KCNN3: variants seen among roughly 807,000 people sequenced by gnomAD.
KCNN3 encodes potassium calcium-activated channel subfamily N member 3.
A neutral mutation model predicts 62.9 loss-of-function variants in KCNN3; 16 were observed. That is an observed-to-expected ratio of 0.25 (90% confidence interval 0.17 to 0.39). The LOEUF (loss-of-function observed/expected upper bound fraction) is 0.39. KCNN3 is among the 10% of genes least tolerant of loss of function. The probability of loss-of-function intolerance (pLI) is 1.00; values close to 1 mark genes in which losing one functional copy is unlikely to be tolerated. For missense variants in KCNN3, 599 were observed against 949.4 expected (o/e 0.63, Z 4.85); for synonymous variants, 370 against 389.2 (o/e 0.95, Z 0.58).
At position 154,700,893 on chromosome 1, in the gene KCNN3, A is replaced by T. The variant is rs1160095133; in HGVS notation, c.*7083T>A. 1 of 152,206 alleles carries T rather than the reference A, an allele frequency of 6.6e-6. No individual in the cohort carries two copies. Among genetic ancestry groups the T allele is most frequent in the Non-Finnish European group, 1.5e-5 (1 of 68,038 alleles). The allele number at this position is 152,206 out of a possible 1,614,324, so 9.4% of individuals were successfully genotyped here. On this transcript the variant is annotated 3_prime_UTR_variant, in exon 8 of 8. Coordinates refer to ENST00000271915, the MANE Select transcript of KCNN3 (RefSeq NM_002249.6). ...TAAATCAATTACCACCAATACATTCATCAGTCAATTGTAAAATTGAAAATA... is the reference window on the plus strand; with the variant it reads ...TAAATCAATTACCACCAATACATTCTTCAGTCAATTGTAAAATTGAAAATA...
intron 3 of KCNN3, among the ~76,000 whole-genome samples, chr1:154,765,789 T>C (rs536039669): frequency 7.0e-6 from 1 of 143,588 alleles, no homozygotes; most frequent in East Asian, 2.1e-4. Context: ...GGCTAATGTT[T>C]TTTTTGGTTT....
chr1:154,791,653 G>A (rs566945189), intron 2 of KCNN3, among the ~76,000 whole-genome samples: 4 of 152,180 alleles, frequency 2.6e-5, no homozygotes, highest in Non-Finnish European at 5.9e-5. Flanking sequence ...GGAACGAAAG[G>A]CCCCGATGTT....
intron 7 of KCNN3, among the ~76,000 whole-genome samples, chr1:154,712,812 C>G (rs1364420412): frequency 6.6e-6 from 1 of 152,134 alleles, no homozygotes; most frequent in Non-Finnish European, 1.5e-5. Flanking sequence ...AGAGGAGTTT[C>G]CTTACAGTAT....
At chr1:154,735,389 A>C (rs1232845816) in intron 3 of KCNN3, among the ~76,000 whole-genome samples, 8 of 152,186 alleles carry the variant, frequency 5.3e-5, no homozygotes, top group Admixed American at 5.2e-4. Context: ...GCACAAGGAC[A>C]TGGGTGTCTG....
At chr1:154,833,076 T>C (rs1434152607) in intron 1 of KCNN3, among the ~76,000 whole-genome samples, 1 of 151,966 alleles carries the variant, frequency 6.6e-6, no homozygotes, top group African/African-American at 2.4e-5. Context: ...CAATTGGCCT[T>C]CCCCCTTTCC....
intron 1 of KCNN3, among the ~76,000 whole-genome samples, chr1:154,839,309 G>T (rs1361078686): frequency 6.6e-6 from 1 of 152,198 alleles, no homozygotes; most frequent in African/African-American, 2.4e-5. Context: ...ACCAGAAGGG[G>T]AACAGATCCC....
At chr1:154,767,393 C>T (rs1034346337) in intron 3 of KCNN3, among the ~76,000 whole-genome samples, 15 of 152,098 alleles carry the variant, frequency 9.9e-5, no homozygotes, top group African/African-American at 2.4e-4. Flanking sequence ...CCAAAGGGTC[C>T]GAAGGGAATC....
intron 3 of KCNN3, among the ~76,000 whole-genome samples, chr1:154,750,559 G>A (rs1023314289): frequency 1.3e-4 from 20 of 152,064 alleles, no homozygotes; most frequent in Non-Finnish European, 2.6e-4. Context: ...CTTCATCTGG[G>A]AAGGGTGGGG....
intron 3 of KCNN3, among the ~76,000 whole-genome samples, chr1:154,768,943 T>A (rs1475403358): frequency 6.6e-6 from 1 of 152,142 alleles, no homozygotes; most frequent in East Asian, 1.9e-4. Flanking sequence ...AGGCCAAGAT[T>A]TCCTCGTATG....
At chr1:154,868,485 G>T in intron 1 of KCNN3, 1 of 251,154 alleles carries the variant, frequency 4.0e-6, no homozygotes, top group Non-Finnish European at 6.3e-6. Context: ...GAAGGGACTT[G>T]GGCAATGGTA....
chr1:154,796,664 C>T (rs534941495), intron 2 of KCNN3, among the ~76,000 whole-genome samples: 1 of 152,332 alleles, frequency 6.6e-6, no homozygotes, highest in Admixed American at 6.5e-5. Flanking sequence ...GTCCGTAAAG[C>T]AGCTGGGTTC....
At position 154,862,029 on chromosome 1, in the gene KCNN3, G is replaced by A. The variant is rs924922674; in HGVS notation, c.933+7003C>T. The stretch of plus-strand genomic sequence containing the variant: ...AGAGGCATGAGGCACAGACAGGGAC[G>A]CAGGAAAATGGGACTCAAGAATGAA... On this transcript the variant is annotated intron_variant, in intron 1 of 7. Coordinates refer to ENST00000271915, the MANE Select transcript of KCNN3 (RefSeq NM_002249.6). The surrounding 1 kb of genome is among the most constrained non-coding windows in gnomAD (Gnocchi z 4.1). Among the ~76,000 whole-genome samples, 13 of 152,328 alleles carry A rather than the reference G, an allele frequency of 8.5e-5. No individual in the cohort carries two copies. Among genetic ancestry groups the A allele is most frequent in the East Asian group, 5.8e-4 (3 of 5,194 alleles).
chr1:154,857,278 A>G (rs533560863), intron 1 of KCNN3, among the ~76,000 whole-genome samples: 19 of 152,320 alleles, frequency 1.2e-4, no homozygotes, highest in Non-Finnish European at 2.2e-4. Context: ...GAAGCCACAG[A>G]GCTGCGGCAA....
intron 1 of KCNN3, among the ~76,000 whole-genome samples, chr1:154,855,208 A>T (rs999543487): frequency 6.8e-6 from 1 of 146,058 alleles, no homozygotes; most frequent in African/African-American, 2.5e-5. Flanking sequence ...ACAGAGTGAG[A>T]CTCTGTCTCA....
At chr1:154,721,614 A>C (rs1386541503) in intron 5 of KCNN3, among the ~76,000 whole-genome samples, 1 of 151,968 alleles carries the variant, frequency 6.6e-6, no homozygotes, top group Non-Finnish European at 1.5e-5. Flanking sequence ...TCTACCTCTT[A>C]TAAGAAGAAG....
chr1:154,752,935 C>T (rs1647457164), intron 3 of KCNN3, among the ~76,000 whole-genome samples: 1 of 152,242 alleles, frequency 6.6e-6, no homozygotes, highest in African/African-American at 2.4e-5. Flanking sequence ...GGCTCAGACT[C>T]ACCTGCCTCC....
At chr1:154,849,224 T>C (rs1204965103) in intron 1 of KCNN3, among the ~76,000 whole-genome samples, 2 of 152,206 alleles carry the variant, frequency 1.3e-5, no homozygotes, top group Admixed American at 6.5e-5. Flanking sequence ...ACAGAAATAA[T>C]AGCCCTGCAT....
chr1:154,737,465 A>C (rs1700735448), intron 3 of KCNN3, among the ~76,000 whole-genome samples: 1 of 152,200 alleles, frequency 6.6e-6, no homozygotes, highest in Admixed American at 6.5e-5. Flanking sequence ...CCTACTTTTA[A>C]AAATAAGCAG....
chr1:154,793,447 T>A (rs1337751777), intron 2 of KCNN3, among the ~76,000 whole-genome samples: 1 of 152,158 alleles, frequency 6.6e-6, no homozygotes. Flanking sequence ...CAGACCCCAA[T>A]GCAGCCTAGA....
Sources: allele counts gnomAD v4.1 joint callset (sites outside exome capture counted in the v4.1 genomes callset), GRCh38; gene constraint gnomAD v4.1.1; non-coding constraint Gnocchi (gnomAD v3.1); transcripts MANE v1.5; gene names NCBI Gene and HGNC (gene_info 2026-07-23, HGNC 2026-07-21).